HSPE1: variants seen among roughly 807,000 people sequenced by gnomAD.
The protein encoded by HSPE1 is heat shock protein family E (Hsp10) member 1.
HSPE1 carries 1 observed loss-of-function variant against 13.2 expected under a neutral mutation model. That is an observed-to-expected ratio of 0.08 (90% confidence interval 0.03 to 0.36). The LOEUF (loss-of-function observed/expected upper bound fraction) is 0.36. HSPE1 is among the 10% of genes least tolerant of loss of function. The pLI, the probability that HSPE1 is intolerant of heterozygous loss-of-function variation, is 0.99. For missense variants in HSPE1, 73 were observed against 118.7 expected, an observed-to-expected ratio of 0.62 and a Z score of 1.79; for synonymous variants, 44 against 42.0, an observed-to-expected ratio of 1.05 and a Z score of -0.19.
intron 2 of HSPE1, 129 bp from the exon 3 acceptor site, chr2:197,502,910 C>A: frequency 1.6e-6 from 1 of 629,298 alleles, no homozygotes; most frequent in Non-Finnish European, 2.8e-6. Context: ...ATCACTTAGC[C>A]ACGAAATATA....
intron 1 of HSPE1, 147 bp downstream of exon 1, chr2:197,500,586 G>A (rs2086238574): frequency 2.4e-6 from 3 of 1,255,492 alleles, no homozygotes; most frequent in Non-Finnish European, 3.4e-6. Flanking sequence ...GAGCGGCAAG[G>A]CCCGCCCGAC....
At chr2:197,501,301 C>A in intron 2 of HSPE1, 63 bp downstream of exon 2, 2 of 1,499,672 alleles carry the variant, frequency 1.3e-6, no homozygotes, top group Non-Finnish European at 1.8e-6. Context: ...AGAAGTAATT[C>A]TGGAGTATTA....
At chr2:197,501,273 G>C (rs1396901783) in intron 2 of HSPE1, 35 bp downstream of exon 2, 2 of 1,563,526 alleles carry the variant, frequency 1.3e-6, no homozygotes, top group East Asian at 2.3e-5. Context: ...ATTTTTTATA[G>C]TGTGCAGTGG....
At chr2:197,502,409 A>G (rs2086268645) in intron 2 of HSPE1, among the ~76,000 whole-genome samples, 1 of 152,242 alleles carries the variant, frequency 6.6e-6, no homozygotes, top group Non-Finnish European at 1.5e-5. Flanking sequence ...GATCTCAGCC[A>G]AAATACACAG....
chr2:197,501,540 G>A (rs1300089602), intron 2 of HSPE1: 4 of 212,796 alleles, frequency 1.9e-5, no homozygotes, highest in African/African-American at 2.3e-5. Flanking sequence ...CGAGGTGTGC[G>A]GATCACAAGG....
rs1488063717 is a variant in HSPE1 at position 197,500,597 on chromosome 2, C to T, written c.3+158C>T. 4 of 1,119,604 alleles carry T rather than the reference C, an allele frequency of 3.6e-6. No individual in the cohort carries two copies. The African/African-American group carries it at 4.6e-5, about 13-fold the overall frequency. The allele number at this position is 1,119,604 out of a possible 1,614,324, so 69.4% of individuals were successfully genotyped here. On this transcript the variant is annotated intron_variant, in intron 1 of 3. Transcript: ENST00000233893. ...CTTGGAGCGGCAAGGCCCGCCCGAC[C>T]CTTTTCTCCCCCAGGGCTCTTTGCA...
At position 197,501,007 on chromosome 2, in the gene HSPE1, G is replaced by C. The variant is rs1310326735; in HGVS notation, c.4-67G>C. ...CAAAACGTGTTGAGATGTATAGCAC[G>C]GTGGCGTTGCCTGTTGATAATGTGA... On this transcript the variant is annotated intron_variant, in intron 1 of 3. Coordinates refer to ENST00000233893, the MANE Select transcript of HSPE1 (RefSeq NM_002157.3). 5.3e-5 allele frequency: 83 copies of C among 1,570,060 alleles called. 1 individual carries two copies. Among genetic ancestry groups the C allele is most frequent in the Non-Finnish European group, 6.8e-5 (78 of 1,154,112 alleles).
chr2:197,501,369 C>G (rs1300645185), intron 2 of HSPE1, 131 bp downstream of exon 2: 2 of 1,073,946 alleles, frequency 1.9e-6, no homozygotes, highest in African/African-American at 1.6e-5. Flanking sequence ...TGCTTTGGTT[C>G]TAATCTGTTT....
intron 1 of HSPE1, 183 bp downstream of exon 1, chr2:197,500,622 A>G: frequency 1.1e-6 from 1 of 888,968 alleles, no homozygotes; most frequent in Non-Finnish European, 1.7e-6. Flanking sequence ...GGCTCTTTGC[A>G]CGCGCGTGTG....
At chr2:197,500,764 C>A (rs1291120080) in intron 1 of HSPE1, 3 of 572,020 alleles carry the variant, frequency 5.2e-6, no homozygotes. Flanking sequence ...CTTGACCCAG[C>A]GTTTCCTGAA....
At chr2:197,500,778 T>G in intron 1 of HSPE1, 1 of 576,076 alleles carries the variant, frequency 1.7e-6, no homozygotes, top group South Asian at 2.2e-5. Flanking sequence ...TCCTGAAAAT[T>G]TCTGGAAAAA....
chr2:197,502,816 T>C (rs575586515), intron 2 of HSPE1, among the ~76,000 whole-genome samples: 1 of 152,332 alleles, frequency 6.6e-6, no homozygotes, highest in South Asian at 2.1e-4. Context: ...GAGTCAGGTT[T>C]TAGTTTAAGC....
chr2:197,500,483 T>TG, intron 1 of HSPE1, 44 bp downstream of exon 1: 1 of 1,569,626 alleles, frequency 6.4e-7, no homozygotes, highest in South Asian at 1.2e-5. Flanking sequence ...CGGGCCTGTC[T>TG]GAGGCGTACG....
chr2:197,500,590 G>T (rs966294515), intron 1 of HSPE1, 151 bp downstream of exon 1: 2 of 1,205,066 alleles, frequency 1.7e-6, no homozygotes, highest in Admixed American at 2.1e-5. Context: ...GGCAAGGCCC[G>T]CCCGACCCTT....
In HSPE1 at chr2:197,501,292, GAAGT is replaced by G. The variant is rs1018380262; in HGVS notation, c.168+57_168+60del. On this transcript the variant is annotated intron_variant, in intron 2 of 3. Coordinates refer to ENST00000233893, the MANE Select transcript of HSPE1 (RefSeq NM_002157.3). ...TTTATAGTGTGCAGTGGAGGGAAAA[GAAGT>G]AATTCTGGAGTATTAAAAGTCGCTT... 5.5e-5 allele frequency: 83 copies of G among 1,522,632 alleles called. No individual in the cohort carries two copies. The Middle Eastern group carries it at 1.2e-3, about 22-fold the overall frequency. 94.3% of individuals were successfully genotyped at this position (1,522,632 alleles called of 1,614,324 possible).
rs377658442 is a variant in HSPE1 at position 197,503,261 on chromosome 2, A to G, written c.*2A>G. ...ATTCTTGGAAAGTACGTAGACTGAA[A>G]TAAGTCACTATTGAAATGGCATCAA... On this transcript the variant is annotated 3_prime_UTR_variant, in exon 4 of 4. Transcript: ENST00000233893. 2.5e-6 allele frequency: 4 copies of G among 1,585,184 alleles called. No individual in the cohort carries two copies. The highest frequency in any genetic ancestry group is 3.5e-6 in the Non-Finnish European group (4 of 1,159,214).
intron 1 of HSPE1, 154 bp downstream of exon 1, chr2:197,500,593 C>G: frequency 8.7e-7 from 1 of 1,156,000 alleles, no homozygotes; most frequent in Non-Finnish European, 1.2e-6. Flanking sequence ...AAGGCCCGCC[C>G]GACCCTTTTC....
chr2:197,503,067 A>G lies in HSPE1; in HGVS notation c.197A>G (p.Lys66Arg). 1 of 1,606,802 alleles carries G rather than the reference A, an allele frequency of 6.2e-7. No individual in the cohort carries two copies. Among genetic ancestry groups the G allele is most frequent in the Non-Finnish European group, 8.5e-7 (1 of 1,176,616 alleles). Residue 66 changes from lysine to arginine, a missense_variant, in exon 3 of 4, where the codon AAA becomes AGA. Physicochemically the swap from Lys to Arg is conservative, Grantham distance 26 (BLOSUM62 2). Transcript: ENST00000233893. ...GGAGAGATTCAACCAGTTAGCGTGA[A>G]AGTTGGAGATAAAGTTCTTCTCCCA... ...KGGEIQPVSV[K>R]VGDKVLLPEY... is the part of the protein sequence containing the mutation.
chr2:197,500,563 C>G lies in HSPE1; in HGVS notation c.3+124C>G, dbSNP rs1170726567. 38 of 1,430,308 alleles carry G rather than the reference C, an allele frequency of 2.7e-5. 1 individual carries two copies. The South Asian group carries it at 2.7e-4, about 10-fold the overall frequency. 88.6% of individuals were successfully genotyped at this position (1,430,308 alleles called of 1,614,324 possible). On this transcript the variant is annotated intron_variant, in intron 1 of 3. Coordinates refer to ENST00000233893, the MANE Select transcript of HSPE1 (RefSeq NM_002157.3). ...TGGTGGCCACTCAGTGACCAGCGCC[C>G]GATGGCACCTTGGAGCGGCAAGGCC...
Sources: gnomAD v4.1 joint callset for allele counts (sites outside exome capture counted in the v4.1 genomes callset) on GRCh38, gnomAD v4.1.1 for gene constraint, MANE v1.5 for transcripts, NCBI Gene and HGNC (gene_info 2026-07-23, HGNC 2026-07-21) for gene names.